CNOT1: variants seen among roughly 807,000 people sequenced by gnomAD.
The protein encoded by CNOT1 is CCR4-NOT transcription complex subunit 1.
Under a neutral mutation model 273.8 loss-of-function variants are expected in CNOT1, and 15 were observed. The observed-to-expected ratio is 0.05, with a 90% CI of 0.04 to 0.08. The LOEUF (loss-of-function observed/expected upper bound fraction) is 0.08, where lower values mean the gene tolerates loss of function less well. Among genes scored for constraint, CNOT1 ranks in the 10% least tolerant of loss-of-function variants. CNOT1 has a pLI of 1.00. For synonymous variants in CNOT1, 1,022 were observed against 1,005.5 expected, an observed-to-expected ratio of 1.02 and a Z score of -0.31; for missense variants, 1,644 against 2,912.2, an observed-to-expected ratio of 0.56 and a Z score of 10.02.
intron 39 of CNOT1, among the ~76,000 whole-genome samples, chr16:58,534,631 T>C (rs1327243894): frequency 6.6e-6 from 1 of 152,194 alleles, no homozygotes; most frequent in Non-Finnish European, 1.5e-5. Context: ...ACAGACAGAT[T>C]ATCATGGCAA....
intron 10 of CNOT1, among the ~76,000 whole-genome samples, chr16:58,582,040 T>C (rs1272907957): frequency 6.6e-6 from 1 of 151,302 alleles, no homozygotes; most frequent in African/African-American, 2.4e-5. Flanking sequence ...TCACAGCACT[T>C]TGGAAGGAGG....
chr16:58,558,838 G>A (rs1200686149), intron 17 of CNOT1, among the ~76,000 whole-genome samples, 164 bp from the exon 18 acceptor site: 1 of 152,186 alleles, frequency 6.6e-6, no homozygotes, highest in Non-Finnish European at 1.5e-5. Flanking sequence ...AAGTGTGTCA[G>A]TCACTTTTCT....
chr16:58,559,637 T>C (rs145442089), intron 17 of CNOT1, among the ~76,000 whole-genome samples: 266 of 152,286 alleles, frequency 1.7e-3, no homozygotes, highest in Non-Finnish European at 3.1e-3. Flanking sequence ...CTATAGAAAA[T>C]GACAAGCAAA....
chr16:58,589,052 G>T, intron 2 of CNOT1, 146 bp from the exon 3 acceptor site: 2 of 1,123,550 alleles, frequency 1.8e-6, no homozygotes, highest in African/African-American at 1.6e-5. Flanking sequence ...AGGAATTATT[G>T]ATGGAAGTGC....
intron 21 of CNOT1, among the ~76,000 whole-genome samples, chr16:58,554,302 T>C (rs968315114): frequency 2.0e-5 from 3 of 152,036 alleles, no homozygotes; most frequent in Non-Finnish European, 2.9e-5. Flanking sequence ...AGAAAAACTT[T>C]AGAGATTATC....
intron 40 of CNOT1, among the ~76,000 whole-genome samples, chr16:58,533,817 T>A (rs2039850052): frequency 6.6e-6 from 1 of 151,950 alleles, no homozygotes; most frequent in Non-Finnish European, 1.5e-5. Flanking sequence ...AGAGCGAGAC[T>A]CCATCTCAAA....
At chr16:58,525,144 GA>G (rs1382136633) in intron 46 of CNOT1, 34 bp downstream of exon 46, 16 of 1,599,122 alleles carry the variant, frequency 1.0e-5, no homozygotes, top group Non-Finnish European at 1.3e-5. Context: ...AAAGCACAGA[GA>G]ACTCTACTCT....
intron 2 of CNOT1, 44 bp from the exon 3 acceptor site, chr16:58,588,950 C>CAAA: frequency 1.9e-6 from 2 of 1,066,226 alleles, no homozygotes; most frequent in Admixed American, 3.4e-5. Context: ...GAAGATAAAA[C>CAAA]AAAAAAAAAA....
intron 3 of CNOT1, 77 bp from the exon 4 acceptor site, chr16:58,587,955 T>G: frequency 7.2e-7 from 1 of 1,389,684 alleles, no homozygotes; most frequent in Non-Finnish European, 9.9e-7. Context: ...ACTCAGAACA[T>G]TAAAATGTGA....
intron 1 of CNOT1, among the ~76,000 whole-genome samples, chr16:58,606,925 G>T (rs1002470859): frequency 6.6e-6 from 1 of 151,800 alleles, no homozygotes; most frequent in Non-Finnish European, 1.5e-5. Context: ...GCAGAGCTGG[G>T]GGGGGGAAAG....
chr16:58,565,469 C>G (rs1244262060), intron 16 of CNOT1, among the ~76,000 whole-genome samples: 2 of 152,142 alleles, frequency 1.3e-5, no homozygotes, highest in African/African-American at 4.8e-5. Context: ...CATGTAAAAT[C>G]AAACATCAGA....
At chr16:58,585,783 A>T (rs1028765765) in intron 7 of CNOT1, among the ~76,000 whole-genome samples, 1 of 152,220 alleles carries the variant, frequency 6.6e-6, no homozygotes, top group Non-Finnish European at 1.5e-5. Context: ...TATTACTTTA[A>T]ATTTGCACAA....
chr16:58,598,463 G>A (rs564796145), intron 2 of CNOT1, among the ~76,000 whole-genome samples: 1 of 151,198 alleles, frequency 6.6e-6, no homozygotes, highest in East Asian at 2.0e-4. Context: ...CAGCTACTAG[G>A]GAGGCTGAGG....
chr16:58,557,856 G>A (rs2040686029), intron 18 of CNOT1, among the ~76,000 whole-genome samples: 1 of 152,108 alleles, frequency 6.6e-6, no homozygotes, highest in Non-Finnish European at 1.5e-5. Flanking sequence ...ATGGCATGGT[G>A]GCGGGCACCT....
At chr16:58,556,703 A>G in intron 19 of CNOT1, 144 bp downstream of exon 19, 1 of 1,370,526 alleles carries the variant, frequency 7.3e-7, no homozygotes, top group Non-Finnish European at 9.5e-7. Flanking sequence ...TGATACCTCT[A>G]ACTTTTAATA....
In CNOT1 at chr16:58,534,880, G is replaced by A. The variant is rs1029909575; in HGVS notation, c.5647-485C>T. ...TTAAAACTCCAACAAGCTACCCCCA[G>A]AAAAATCAATAATTTGTACAACAGG... is the stretch of plus-strand genomic sequence containing the variant. On this transcript the variant is annotated intron_variant, in intron 39 of 48. Transcript: ENST00000317147. 2.0e-5 allele frequency among the ~76,000 whole-genome samples: 3 copies of A among 151,968 alleles called. No homozygotes were observed. The South Asian group carries it at 6.2e-4, about 32-fold the overall frequency.
intron 1 of CNOT1, among the ~76,000 whole-genome samples, chr16:58,628,886 G>A (rs1258596754): frequency 6.6e-6 from 1 of 152,196 alleles, no homozygotes; most frequent in Non-Finnish European, 1.5e-5. Flanking sequence ...AAAGGAGGTG[G>A]TACTGAAAAA....
chr16:58,543,547 A>C (rs746930109), intron 31 of CNOT1, 60 bp downstream of exon 31: 1 of 1,611,636 alleles, frequency 6.2e-7, no homozygotes, highest in Non-Finnish European at 8.5e-7. Flanking sequence ...CAAAGAAAAA[A>C]ATTATTACAG....
intron 1 of CNOT1, among the ~76,000 whole-genome samples, chr16:58,620,301 T>C (rs2043260297): frequency 6.6e-6 from 1 of 152,110 alleles, no homozygotes; most frequent in Admixed American, 6.6e-5. Flanking sequence ...CACCTGAGTT[T>C]GGACTAGAAT....
Sources: gnomAD v4.1 joint callset for allele counts (sites outside exome capture counted in the v4.1 genomes callset) on GRCh38, gnomAD v4.1.1 for gene constraint, MANE v1.5 for transcripts, NCBI Gene and HGNC (gene_info 2026-07-23, HGNC 2026-07-21) for gene names.